Variants in ARPP21 observed in about 807,000 individuals in gnomAD.
The protein encoded by ARPP21 is cAMP-regulated phosphoprotein 21.
Under a neutral mutation model 113.2 loss-of-function variants are expected in ARPP21, and 69 were observed. That is an observed-to-expected ratio of 0.61 (90% CI 0.50 to 0.74). The LOEUF is 0.74. Ranked by LOEUF, ARPP21 falls within the 30% of genes least tolerant of loss-of-function variation. The probability of loss-of-function intolerance (pLI) is 0.00; values close to 1 mark genes in which losing one functional copy is unlikely to be tolerated. For synonymous variants in ARPP21, 368 were observed against 375.5 expected (o/e 0.98, Z 0.23); for missense variants, 1,070 against 1,037.4 (o/e 1.03, Z -0.43).
intron 1 of ARPP21, among the ~76,000 whole-genome samples, chr3:35,676,332 G>A (rs2077467524): frequency 7.9e-6 from 1 of 127,290 alleles, no homozygotes; most frequent in Non-Finnish European, 1.7e-5. Flanking sequence ...TTTGATCCAG[G>A]TTACTACACT....
At chr3:35,776,867 G>T (rs1294908646) in intron 19 of ARPP21, among the ~76,000 whole-genome samples, 1 of 152,124 alleles carries the variant, frequency 6.6e-6, no homozygotes, top group African/African-American at 2.4e-5. Flanking sequence ...CTGGATATCT[G>T]CTTCCCAGTT....
chr3:35,789,590 T>G (rs1052802911), intron 19 of ARPP21, among the ~76,000 whole-genome samples: 4 of 152,104 alleles, frequency 2.6e-5, no homozygotes. Flanking sequence ...GGAACCCCAG[T>G]GTAAAGCTCG....
chr3:35,683,915 T>A, intron 5 of ARPP21, 100 bp downstream of exon 5: 5 of 998,826 alleles, frequency 5.0e-6, no homozygotes, highest in East Asian at 2.4e-5. Context: ...GGGAGAAAAA[T>A]ATAATTGAAG....
In ARPP21 at chr3:35,739,248, G is replaced by T. The variant is rs1041230533; in HGVS notation, c.1750-69G>T. On this transcript the variant is annotated intron_variant, in intron 17 of 20. Transcript: ENST00000684406. ...AACTCCAAGAATGTGTCCTGTGTCT[G>T]CCTCAGAGTGCCTCTCTTATTACCA... 4 of 1,552,294 alleles carry T rather than the reference G, an allele frequency of 2.6e-6. No homozygotes were observed. In the African/African-American group the frequency reaches 4.1e-5, roughly 16 times the overall value.
At position 35,667,909 on chromosome 3, in the gene ARPP21, GGA is replaced by G. The variant is rs1559548235; in HGVS notation, c.-212-11877_-212-11876del. On this transcript the variant is annotated intron_variant, in intron 1 of 20. Coordinates refer to ENST00000684406, the MANE Select transcript of ARPP21 (RefSeq NM_001385562.1). ...AAGAAGAGGAAGAGGAAGAGGAAGA[GGA>G]AGGAGGAGGAGGAGGAGGAGGAGAA... 6.8e-4 allele frequency among the ~76,000 whole-genome samples: 36 copies of G among 52,938 alleles called. 3 individuals are homozygous for G. Among genetic ancestry groups the G allele is most frequent in the African/African-American group, 4.3e-3 (34 of 7,972 alleles). 34.7% of individuals were successfully genotyped at this position (52,938 alleles called of 152,430 possible).
At chr3:35,669,797 T>G (rs1444566890) in intron 1 of ARPP21, among the ~76,000 whole-genome samples, 1 of 152,164 alleles carries the variant, frequency 6.6e-6, no homozygotes. Flanking sequence ...ATCACAACCA[T>G]GTACAAAGCT....
At chr3:35,682,945 T>A in intron 4 of ARPP21, 56 bp downstream of exon 4, 5 of 1,469,816 alleles carry the variant, frequency 3.4e-6, no homozygotes, top group Non-Finnish European at 4.7e-6. Context: ...ATTACATATT[T>A]TACATCAGAG....
intron 19 of ARPP21, among the ~76,000 whole-genome samples, chr3:35,755,070 A>C (rs1559862134): frequency 6.6e-6 from 1 of 152,078 alleles, no homozygotes; most frequent in Non-Finnish European, 1.5e-5. Flanking sequence ...AATAAAAAAC[A>C]AAATAACCCT....
In ARPP21 at chr3:35,664,849, C is replaced by A. The variant is rs1709493068; in HGVS notation, c.-212-14938C>A. ...TGCTGCTCTGTTCTCTGAGCTGGAACCGACTCCAGGCTGCTATGTGGCCTG... is the reference window on the plus strand; with the variant it reads ...TGCTGCTCTGTTCTCTGAGCTGGAAACGACTCCAGGCTGCTATGTGGCCTG... On this transcript the variant is annotated intron_variant, in intron 1 of 20. Coordinates refer to ENST00000684406, the MANE Select transcript of ARPP21 (RefSeq NM_001385562.1). 4.0e-5 allele frequency among the ~76,000 whole-genome samples: 6 copies of A among 151,658 alleles called. No individual in the cohort carries two copies. In the South Asian group the frequency reaches 1.2e-3, roughly 31 times the overall value.
chr3:35,721,544 C>T (rs1487119033), intron 13 of ARPP21, 61 bp from the exon 14 acceptor site: 1 of 969,874 alleles, frequency 1.0e-6, no homozygotes, highest in African/African-American at 1.6e-5. Context: ...TCTGTGCCTA[C>T]CAACACCATG....
intron 1 of ARPP21, among the ~76,000 whole-genome samples, chr3:35,667,092 T>C (rs1370043418): frequency 6.6e-6 from 1 of 152,204 alleles, no homozygotes; most frequent in African/African-American, 2.4e-5. Context: ...GCTTAATGTA[T>C]CTATGACTCA....
chr3:35,767,297 T>C (rs1271341165), intron 19 of ARPP21, among the ~76,000 whole-genome samples: 1 of 152,104 alleles, frequency 6.6e-6, no homozygotes, highest in East Asian at 1.9e-4. Context: ...CCTTTAGACT[T>C]CTGAGGAAGT....
At chr3:35,648,022 GA>G (rs925467470) in intron 1 of ARPP21, among the ~76,000 whole-genome samples, 1 of 151,228 alleles carries the variant, frequency 6.6e-6, no homozygotes, top group Non-Finnish European at 1.5e-5. Context: ...CTCCATTTAA[GA>G]AAAAAAAATA....
intron 17 of ARPP21, among the ~76,000 whole-genome samples, chr3:35,739,035 C>A (rs1367564966): frequency 6.6e-6 from 1 of 152,112 alleles, no homozygotes; most frequent in East Asian, 1.9e-4. Context: ...CCCTGAGGAG[C>A]CTGTGCCTTC....
chr3:35,666,546 T>C (rs1284523656), intron 1 of ARPP21, among the ~76,000 whole-genome samples: 1 of 152,198 alleles, frequency 6.6e-6, no homozygotes, highest in African/African-American at 2.4e-5. Context: ...TTTGGTTGTG[T>C]GTAGGTGTAG....
intron 14 of ARPP21, among the ~76,000 whole-genome samples, chr3:35,723,988 G>GT (rs2093337840): frequency 6.6e-6 from 1 of 152,176 alleles, no homozygotes; most frequent in Non-Finnish European, 1.5e-5. Flanking sequence ...CAAGTTTTCA[G>GT]TTTTTTACCT....
At chr3:35,787,948 C>T (rs548143717) in intron 19 of ARPP21, among the ~76,000 whole-genome samples, 1 of 152,320 alleles carries the variant, frequency 6.6e-6, no homozygotes, top group African/African-American at 2.4e-5. Flanking sequence ...TCCTAAGTCA[C>T]AGTTTTCTCT....
rs774573249 is a variant in ARPP21 at position 35,690,919 on chromosome 3, T to A, written c.600T>A (p.His200Gln). 6.2e-7 allele frequency: 1 copy of A among 1,610,906 alleles called. No individual in the cohort carries two copies. Among genetic ancestry groups the A allele is most frequent in the Non-Finnish European group, 8.5e-7 (1 of 1,178,030 alleles). Residue 200 changes from histidine to glutamine, a missense_variant, in exon 9 of 21, where the codon CAT (histidine) becomes CAA (glutamine). Physicochemically the swap from His to Gln is conservative, Grantham distance 24 (BLOSUM62 0). Transcript: ENST00000684406. ...QMSSYQRMLV[H>Q]RVAAYFGLDH... ...CATCGTATCAGAGGATGCTTGTCCATCGAGTGGCAGCTTATTTTGGATTGG... is the reference window on the plus strand; with the variant it reads ...CATCGTATCAGAGGATGCTTGTCCAACGAGTGGCAGCTTATTTTGGATTGG...
intron 1 of ARPP21, among the ~76,000 whole-genome samples, chr3:35,656,057 T>A (rs538774865): frequency 6.6e-6 from 1 of 152,138 alleles, no homozygotes; most frequent in Non-Finnish European, 1.5e-5. Context: ...CAAAACAAAC[T>A]AATCTTAGAA....
Sources: gnomAD v4.1 joint callset for allele counts (sites outside exome capture counted in the v4.1 genomes callset) on GRCh38, gnomAD v4.1.1 for gene constraint, MANE v1.5 for transcripts, NCBI Gene and HGNC (gene_info 2026-07-23, HGNC 2026-07-21) for gene names.